The following ZNF283 variants were observed in gnomAD, a reference collection of about 807,000 sequenced individuals.
ZNF283 encodes zinc finger protein 283.
A neutral mutation model predicts 9.2 loss-of-function variants in ZNF283; 10 were observed. The ratio of observed to expected loss-of-function variants is 1.09; its 90% CI spans 0.67 to 1.85. The LOEUF (loss-of-function observed/expected upper bound fraction) is 1.85, where lower values mean the gene tolerates loss of function less well. Ranked by LOEUF, ZNF283 falls within the 40% of genes most tolerant of loss-of-function variation. ZNF283 has a pLI of 0.00. For missense variants in ZNF283, 631 were observed against 760.1 expected (o/e 0.83, Z 2.00); for synonymous variants, 234 against 244.1 (o/e 0.96, Z 0.38).
At chr19:43,839,784 C>A (rs1233021233) in intron 6 of ZNF283, among the ~76,000 whole-genome samples, 1 of 152,030 alleles carries the variant, frequency 6.6e-6, no homozygotes, top group African/African-American at 2.4e-5. Context: ...TAATTTCTAT[C>A]CTTTTATTGA....
rs568900008 is a variant in ZNF283, at chr19:43,835,392, G to A, written c.123-113G>A. On this transcript the variant is annotated intron_variant, in intron 4 of 6. Coordinates refer to ENST00000618787, the MANE Select transcript of ZNF283 (RefSeq NM_181845.2). Reference sequence around the variant, plus strand: ...TGAAAGTTTGAATTCCATAAATGGTGCGTGGGGTGTGTAGCAGAAGCAGGC... The same window carrying A: ...TGAAAGTTTGAATTCCATAAATGGTACGTGGGGTGTGTAGCAGAAGCAGGC... 4 of 711,564 alleles carry A rather than the reference G, an allele frequency of 5.6e-6. No homozygotes were observed. The East Asian group carries it at 8.2e-5, about 15-fold the overall frequency. 44.1% of individuals were successfully genotyped at this position (711,564 alleles called of 1,614,324 possible).
Position 43,846,896 on chromosome 19 carries a change from TAGTGAAGGAAATAAAATGTGTGG to T in ZNF283, c.338-42_338-20del. 8.4e-6 allele frequency: 9 copies of T among 1,071,588 alleles called. No individual in the cohort carries two copies. Among genetic ancestry groups the T allele is most frequent in the Non-Finnish European group, 7.5e-6 (6 of 802,654 alleles). 66.4% of individuals were successfully genotyped at this position (1,071,588 alleles called of 1,614,324 possible). ...ACTGTAGTTTTTTTTTTTTTTTCCC[TAGTGAAGGAAATAAAATGTGTGG>T]TTTTCTTGTTTTCTTTCAGATTTGG... On this transcript the variant is annotated intron_variant, in intron 6 of 6. Coordinates refer to ENST00000618787, the MANE Select transcript of ZNF283 (RefSeq NM_181845.2).
At chr19:43,832,342 C>T (rs1191391120) in intron 3 of ZNF283, among the ~76,000 whole-genome samples, 6 of 152,060 alleles carry the variant, frequency 3.9e-5, no homozygotes, top group African/African-American at 1.4e-4. Context: ...GTGTAAATAC[C>T]AGGAGGTAGA....
rs1462341005 is a variant in ZNF283, at chr19:43,850,641, G to A, written c.*2000G>A. On this transcript the variant is annotated 3_prime_UTR_variant, in exon 7 of 7. Coordinates refer to ENST00000618787, the MANE Select transcript of ZNF283 (RefSeq NM_181845.2). The stretch of plus-strand genomic sequence containing the variant: ...TTTAGTAGAGATGGGGTTTTGCCAT[G>A]TTGGTCCAGGCTGATCTTGAACTCC... 2 of 152,130 alleles carry A rather than the reference G, an allele frequency of 1.3e-5. No individual in the cohort carries two copies. The highest frequency in any genetic ancestry group is 4.8e-5 in the African/African-American group (2 of 41,390). 9.4% of individuals were successfully genotyped at this position (152,130 alleles called of 1,614,324 possible). A position where few individuals can be genotyped will look rare whatever the true frequency, so the allele number is the denominator to read the frequency against.
intron 4 of ZNF283, among the ~76,000 whole-genome samples, chr19:43,834,454 G>A (rs1970864634): frequency 6.6e-6 from 1 of 151,414 alleles, no homozygotes; most frequent in Admixed American, 6.6e-5. Flanking sequence ...GGCATATGTA[G>A]AAATTATACA....
At chr19:43,843,501 A>G (rs2146571924) in intron 6 of ZNF283, among the ~76,000 whole-genome samples, 1 of 152,372 alleles carries the variant, frequency 6.6e-6, no homozygotes, top group South Asian at 2.1e-4. Flanking sequence ...TTTGTTGCCA[A>G]TGATATAATT....
Position 43,836,028 on chromosome 19 carries a change from G to A in ZNF283, c.210+436G>A, listed in dbSNP as rs181869130. Among the ~76,000 whole-genome samples the A allele has an allele frequency of 8.5e-5, 13 of 152,302 alleles. No homozygotes were observed. The East Asian group carries it at 2.5e-3, about 29-fold the overall frequency. ...CTCAGGGACAAGTGAAGTACTAAGC[G>A]AGGGGTAGTTGATAGTAACAGATAA... On this transcript the variant is annotated intron_variant, in intron 5 of 6. Coordinates refer to ENST00000618787, the MANE Select transcript of ZNF283 (RefSeq NM_181845.2).
Position 43,850,550 on chromosome 19 carries a change from G to A in ZNF283, c.*1909G>A, listed in dbSNP as rs903901027. The A allele has an allele frequency of 8.6e-5, 13 of 151,438 alleles. No individual in the cohort carries two copies. The highest frequency in any genetic ancestry group is 5.3e-4 in the Admixed American group (8 of 15,176). The allele number at this position is 151,438 out of a possible 1,614,324, so 9.4% of individuals were successfully genotyped here. A position where few individuals can be genotyped will look rare whatever the true frequency, so the allele number is the denominator to read the frequency against. ...CACCTCTCGGGTTCAAGTGATTCTC[G>A]TGCCTCAGCCTCCCAAGTAGCTGGA... On this transcript the variant is annotated 3_prime_UTR_variant, in exon 7 of 7. Coordinates refer to ENST00000618787, the MANE Select transcript of ZNF283 (RefSeq NM_181845.2).
chr19:43,848,665 T>C lies in ZNF283; in HGVS notation c.*24T>C. 1 of 1,522,402 alleles carries C rather than the reference T, an allele frequency of 6.6e-7. No homozygotes were observed. Among genetic ancestry groups the C allele is most frequent in the Non-Finnish European group, 8.8e-7 (1 of 1,134,966 alleles). The allele number at this position is 1,522,402 out of a possible 1,614,324, so 94.3% of individuals were successfully genotyped here. On this transcript the variant is annotated 3_prime_UTR_variant, in exon 7 of 7. Coordinates refer to ENST00000618787, the MANE Select transcript of ZNF283 (RefSeq NM_181845.2). The stretch of plus-strand genomic sequence containing the variant: ...GATTGAAAGTTGTAAAAGAATATTT[T>C]GTGTGTGTGTATAGACAACTTATCA...
rs113270377 is a variant in ZNF283 at position 43,834,749 on chromosome 19, C to G, written c.123-756C>G. ...TAGCTGGGACTACAGGCGCCTGCCACCACGCCTGGCTAATTTTTTGTATTT... is the reference window on the plus strand; with the variant it reads ...TAGCTGGGACTACAGGCGCCTGCCAGCACGCCTGGCTAATTTTTTGTATTT... On this transcript the variant is annotated intron_variant, in intron 4 of 6. Coordinates refer to ENST00000618787, the MANE Select transcript of ZNF283 (RefSeq NM_181845.2). Among the ~76,000 whole-genome samples, 79 of 152,084 alleles carry G rather than the reference C, an allele frequency of 5.2e-4. 1 individual carries two copies. Among genetic ancestry groups the G allele is most frequent in the Admixed American group, 3.8e-3 (58 of 15,268 alleles).
intron 4 of ZNF283, among the ~76,000 whole-genome samples, chr19:43,834,285 C>T (rs1165360244): frequency 1.3e-5 from 2 of 151,636 alleles, no homozygotes; most frequent in Admixed American, 6.6e-5. Flanking sequence ...TAAATAAAAC[C>T]TCCCCTCAAA....
chr19:43,842,444 G>C (rs1279750005), intron 6 of ZNF283, among the ~76,000 whole-genome samples: 1 of 151,440 alleles, frequency 6.6e-6, no homozygotes, highest in African/African-American at 2.4e-5. Flanking sequence ...ATGTTGTAGT[G>C]ACTTGGGGAT....
At chr19:43,843,128 G>T (rs1971276944) in intron 6 of ZNF283, among the ~76,000 whole-genome samples, 1 of 152,160 alleles carries the variant, frequency 6.6e-6, no homozygotes, top group Non-Finnish European at 1.5e-5. Context: ...AGATCACAAG[G>T]TTAAGAGATC....
intron 3 of ZNF283, 133 bp from the exon 4 acceptor site, chr19:43,833,372 T>G (rs1970803066): frequency 1.2e-5 from 2 of 166,942 alleles, no homozygotes; most frequent in East Asian, 3.7e-4. Flanking sequence ...CATAATTTAT[T>G]AAACCTTTTG....
At position 43,835,583 on chromosome 19, in the gene ZNF283, C is replaced by T. The variant is rs777743102; in HGVS notation, c.201C>T (p.Thr67=). 5 of 1,603,302 alleles carry T rather than the reference C, an allele frequency of 3.1e-6. No homozygotes were observed. The highest frequency in any genetic ancestry group is 8.5e-7 in the Non-Finnish European group (1 of 1,172,870). The change falls in exon 5 of 7, where the codon ACC becomes ACT. Residue 67 remains threonine, a synonymous_variant. Transcript: ENST00000618787. The part of the protein sequence containing the change: ...GALISSCNSR[T]MTDGLVTFRD... Reference sequence around the variant, plus strand: ...TAATTAGTTCTTGCAATTCCAGAACCATGACTGATGTAAGTTGGTATTTTT... The same window carrying T: ...TAATTAGTTCTTGCAATTCCAGAACTATGACTGATGTAAGTTGGTATTTTT...
rs17712471 is a variant in ZNF283 at position 43,848,617 on chromosome 19, A to G, written c.2016A>G (p.Lys672=). The change falls in exon 7 of 7, where the codon AAA becomes AAG. Residue 672 remains lysine (K), a synonymous_variant. Transcript: ENST00000618787. The part of the protein sequence containing the change: ...AFLWTTYSNE[K]IDTDETL ...TGTGGACAACTTACTCAAATGAGAA[A>G]ATTGATACTGATGAAACCTTATGAT... is the stretch of plus-strand genomic sequence containing the variant. The G allele has an allele frequency of 0.016, 25,469 of 1,568,336 alleles. 265 individuals carry two copies. The highest frequency in any genetic ancestry group is 0.02 in the Non-Finnish European group (22,791 of 1,155,188).
intron 6 of ZNF283, among the ~76,000 whole-genome samples, chr19:43,844,670 A>G (rs569827797): frequency 6.6e-6 from 1 of 152,284 alleles, no homozygotes; most frequent in South Asian, 2.1e-4. Flanking sequence ...TCACATCACA[A>G]TAATCATCCA....
chr19:43,847,339 T>G lies in ZNF283; in HGVS notation c.738T>G (p.Ser246Arg), dbSNP rs371160256. The G allele has an allele frequency of 3.1e-5, 50 of 1,613,752 alleles. No individual in the cohort carries two copies. The highest frequency in any genetic ancestry group is 1.6e-4 in the Middle Eastern group (1 of 6,082). Residue 246 changes from serine (S) to arginine (R), a missense_variant, in exon 7 of 7, where the codon AGT becomes AGG. Transcript: ENST00000618787. ...ECKECGKNYL[S>R]AYQLNVHQRF... ...AAGAATGTGGGAAGAATTATTTAAGTGCCTATCAACTCAATGTGCATCAGA... is the reference window on the plus strand; with the variant it reads ...AAGAATGTGGGAAGAATTATTTAAGGGCCTATCAACTCAATGTGCATCAGA...
At chr19:43,841,935 T>C (rs1276695411) in intron 6 of ZNF283, among the ~76,000 whole-genome samples, 1 of 152,190 alleles carries the variant, frequency 6.6e-6, no homozygotes, top group Middle Eastern at 3.2e-3. Context: ...TTTTGGTCTG[T>C]AATAATCTGA....
Sources: gnomAD v4.1 joint callset for allele counts (sites outside exome capture counted in the v4.1 genomes callset) on GRCh38, gnomAD v4.1.1 for gene constraint, MANE v1.5 for transcripts, NCBI Gene and HGNC (gene_info 2026-07-23, HGNC 2026-07-21) for gene names.